Variants in ESRRB observed in about 807,000 individuals in gnomAD.
ESRRB encodes steroid hormone receptor ERR2.
Under a neutral mutation model 46.0 loss-of-function variants are expected in ESRRB, and 16 were observed. That is an observed-to-expected ratio of 0.35 (90% CI 0.24 to 0.53). The LOEUF (loss-of-function observed/expected upper bound fraction) is 0.53, where lower values mean the gene tolerates loss of function less well. ESRRB is among the 20% of genes least tolerant of loss of function. ESRRB has a pLI of 0.93. For missense variants in ESRRB, 488 were observed against 607.4 expected, an observed-to-expected ratio of 0.80 and a Z score of 2.07; for synonymous variants, 246 against 259.6, an observed-to-expected ratio of 0.95 and a Z score of 0.50.
chr14:76,337,488 C>T (rs7155947), intron 1 of ESRRB, among the ~76,000 whole-genome samples: 16,955 of 152,038 alleles, frequency 0.11, 1,158 homozygotes, highest in African/African-American at 0.18. Context: ...TTCCTCTCAC[C>T]TTGTATGGTG....
At chr14:76,460,718 T>TTTTTTTTTTTTTTTTTTTTA in intron 2 of ESRRB, among the ~76,000 whole-genome samples, 1 of 151,356 alleles carries the variant, frequency 6.6e-6, no homozygotes, top group Non-Finnish European at 1.5e-5. Context: ...CATTTTTTTT[T>TTTTTTTTTTTTTTTTTTTTA]GAGACGGAGT....
chr14:76,494,350 A>G (rs1328020786), intron 6 of ESRRB, among the ~76,000 whole-genome samples: 2 of 143,942 alleles, frequency 1.4e-5, no homozygotes, highest in Admixed American at 7.3e-5. Flanking sequence ...CTTGTTGCCC[A>G]GGCTGGAATG....
At chr14:76,465,374 AG>A (rs1199598930) in intron 3 of ESRRB, among the ~76,000 whole-genome samples, 1 of 152,198 alleles carries the variant, frequency 6.6e-6, no homozygotes, top group Non-Finnish European at 1.5e-5. Flanking sequence ...AGTGCTGGGA[AG>A]AGAGAAGGGC....
intron 1 of ESRRB, among the ~76,000 whole-genome samples, chr14:76,313,408 ATTGT>A (rs1437322529): frequency 6.6e-6 from 1 of 151,458 alleles, no homozygotes; most frequent in African/African-American, 2.4e-5. Context: ...CATCCTTGTC[ATTGT>A]TTATTTCTCT....
chr14:76,482,526 C>A lies in ESRRB; in HGVS notation c.689-72C>A. On this transcript the variant is annotated intron_variant, in intron 4 of 6. Coordinates refer to ENST00000644823, the MANE Select transcript of ESRRB (RefSeq NM_001379180.1). The surrounding 1 kb of genome is among the most constrained non-coding windows in gnomAD (Gnocchi z 4.3). ...TTAGGAACCCAACTTTGCTTCCTGA[C>A]CCATCTGAGCCTCCACCCCGGCCCC... 6.4e-7 allele frequency: 1 copy of A among 1,559,502 alleles called. No individual in the cohort carries two copies. The highest frequency in any genetic ancestry group is 8.8e-7 in the Non-Finnish European group (1 of 1,132,422).
intron 1 of ESRRB, among the ~76,000 whole-genome samples, chr14:76,338,476 C>T (rs1361572049): frequency 3.3e-5 from 5 of 152,210 alleles, no homozygotes; most frequent in Non-Finnish European, 7.3e-5. Context: ...CTCACAGCTG[C>T]CTGCATCTTC....
chr14:76,437,451 C>T (rs1032739572), intron 1 of ESRRB, among the ~76,000 whole-genome samples: 1 of 152,194 alleles, frequency 6.6e-6, no homozygotes, highest in African/African-American at 2.4e-5. Flanking sequence ...TTGCAAGATG[C>T]AAGTGGGCTC....
chr14:76,482,619 T>A lies in ESRRB; in HGVS notation c.710T>A (p.Leu237Gln). The change falls in exon 5 of 7, where the codon CTA (leucine) becomes CAA (glutamine). Residue 237 changes from leucine to glutamine, a missense_variant. By Grantham distance (113) the Leu-to-Gln change is moderately radical (BLOSUM62 -2). Coordinates refer to ENST00000644823, the MANE Select transcript of ESRRB (RefSeq NM_001379180.1). This position sits in a 1 kb window ranked among gnomAD's most constrained non-coding sequence, Gnocchi z 4.3. ...KKPLTKIVSYLLVAEPDKLYA... is the reference protein window; with the variant it reads ...KKPLTKIVSYQLVAEPDKLYA... ...GCAGTGACCAAGATTGTCTCATACC[T>A]ACTGGTGGCTGAGCCGGACAAGCTC... 6.2e-7 allele frequency: 1 copy of A among 1,614,004 alleles called. No individual in the cohort carries two copies. The highest frequency in any genetic ancestry group is 8.5e-7 in the Non-Finnish European group (1 of 1,179,942).
chr14:76,439,487 T>C lies in ESRRB; in HGVS notation c.197T>C (p.Phe66Ser). ...GGCTCGTCCGACGCCAGCGGCGGCT[T>C]TGGCCTGGCCCTGGGCACCCACGCC... is the stretch of plus-strand genomic sequence containing the variant. ...PSGSSDASGG[F>S]GLALGTHANG... Residue 66 changes from phenylalanine to serine, a missense_variant, in exon 2 of 7, where the codon TTT (phenylalanine) becomes TCT (serine). Phe to Ser is a radical substitution (Grantham distance 155, BLOSUM62 -2). Coordinates refer to ENST00000644823, the MANE Select transcript of ESRRB (RefSeq NM_001379180.1). 3 of 1,612,560 alleles carry C rather than the reference T, an allele frequency of 1.9e-6. No individual in the cohort carries two copies. Among genetic ancestry groups the C allele is most frequent in the Non-Finnish European group, 2.5e-6 (3 of 1,179,806 alleles).
intron 3 of ESRRB, among the ~76,000 whole-genome samples, chr14:76,474,469 C>G (rs1409169063): frequency 1.3e-5 from 2 of 152,136 alleles, no homozygotes; most frequent in African/African-American, 2.4e-5. Context: ...TAAATTGTGG[C>G]AAAATATACG....
intron 5 of ESRRB, among the ~76,000 whole-genome samples, chr14:76,486,671 C>T (rs1465770356): frequency 6.6e-6 from 1 of 151,918 alleles, no homozygotes; most frequent in African/African-American, 2.4e-5. Context: ...GCAGATAAAA[C>T]AATTTTCCTG....
chr14:76,488,638 G>A (rs913665913), intron 5 of ESRRB, among the ~76,000 whole-genome samples: 3 of 152,180 alleles, frequency 2.0e-5, no homozygotes, highest in African/African-American at 4.8e-5. Flanking sequence ...GTGCCCAGTC[G>A]TGGGGGTGGG....
At chr14:76,374,382 C>G (rs559134706), upstream of ESRRB, among the ~76,000 whole-genome samples, 1 of 152,218 alleles carries the variant, frequency 6.6e-6, no homozygotes, top group East Asian at 1.9e-4. Context: ...GTGGGGCCTT[C>G]TAGGTGGCAG....
chr14:76,435,700 G>A (rs575564293), intron 1 of ESRRB, among the ~76,000 whole-genome samples: 3 of 152,274 alleles, frequency 2.0e-5, no homozygotes, highest in Admixed American at 6.5e-5. Flanking sequence ...TCGTGGTGGC[G>A]GGAGCCTGTA....
intron 1 of ESRRB, chr14:76,404,476 G>A (rs561453156): frequency 2.6e-5 from 4 of 152,278 alleles, no homozygotes; most frequent in Admixed American, 6.5e-5. Flanking sequence ...AATAAATATT[G>A]TGAATGAATG....
In ESRRB at chr14:76,499,090, C is replaced by G. The variant is rs118109820; in HGVS notation, c.*632C>G. Reference sequence around the variant, plus strand: ...TTCCTGGGCACCCCACCCCTCGGGGCCTACCCCCCTGCCTGTCACCCACCG... The same window carrying G: ...TTCCTGGGCACCCCACCCCTCGGGGGCTACCCCCCTGCCTGTCACCCACCG... On this transcript the variant is annotated 3_prime_UTR_variant, in exon 7 of 7. Coordinates refer to ENST00000644823, the MANE Select transcript of ESRRB (RefSeq NM_001379180.1). 2.7e-3 allele frequency: 909 copies of G among 332,954 alleles called. 38 individuals carry two copies. The East Asian group carries it at 0.066, about 24-fold the overall frequency. 20.6% of individuals were successfully genotyped at this position (332,954 alleles called of 1,614,324 possible). A position where few individuals can be genotyped will look rare whatever the true frequency, so the allele number is the denominator to read the frequency against.
chr14:76,493,687 T>C (rs1471387915), intron 6 of ESRRB, among the ~76,000 whole-genome samples: 2 of 152,216 alleles, frequency 1.3e-5, no homozygotes, highest in African/African-American at 4.8e-5. Context: ...GAAAGTCCCA[T>C]ATCCCAGGAA....
chr14:76,453,188 G>A (rs1476783349), intron 2 of ESRRB, among the ~76,000 whole-genome samples: 3 of 152,350 alleles, frequency 2.0e-5, no homozygotes, highest in Non-Finnish European at 2.9e-5. Context: ...GGACCCTGCG[G>A]AACAGAAGGA....
chr14:76,432,834 C>T (rs1887514447), intron 1 of ESRRB, among the ~76,000 whole-genome samples: 1 of 151,796 alleles, frequency 6.6e-6, no homozygotes, highest in Admixed American at 6.6e-5. Context: ...GCCACCATAC[C>T]CAGCTAATTT....
Sources: allele counts gnomAD v4.1 joint callset (sites outside exome capture counted in the v4.1 genomes callset), GRCh38; gene constraint gnomAD v4.1.1; non-coding constraint Gnocchi (gnomAD v3.1); transcripts MANE v1.5; gene names NCBI Gene and HGNC (gene_info 2026-07-23, HGNC 2026-07-21).